The following CFAP299 variants were observed in gnomAD, a reference collection of about 807,000 sequenced individuals.
The protein encoded by CFAP299 is cilia- and flagella-associated protein 299.
In CFAP299, 21 loss-of-function variants were observed where a neutral mutation model predicts 27.0. The ratio of observed to expected loss-of-function variants is 0.78; its 90% CI spans 0.55 to 1.12. CFAP299 has a LOEUF of 1.12. CFAP299 is among the 50% of genes most tolerant of loss of function. The pLI is 0.00. For synonymous variants in CFAP299, 104 were observed against 98.1 expected (o/e 1.06, Z -0.36); for missense variants, 310 against 276.6 (o/e 1.12, Z -0.86).
At chr4:80,567,363 T>A (rs1047132905) in intron 2 of CFAP299, among the ~76,000 whole-genome samples, 1 of 152,086 alleles carries the variant, frequency 6.6e-6, no homozygotes, top group African/African-American at 2.4e-5. Context: ...TGTTCTCCTT[T>A]TCTGAAAGTT....
At position 80,789,852 on chromosome 4, in the gene CFAP299, A is replaced by C. The variant is rs190754553; in HGVS notation, c.334-80141A>C. ...TAAAGCTGTGCTCTTTCCTTAGGTT[A>C]GCAATCTAATTATTTTGCTGTCATA... On this transcript the variant is annotated intron_variant, in intron 3 of 5. Coordinates refer to ENST00000358105, the MANE Select transcript of CFAP299 (RefSeq NM_152770.3). Among the ~76,000 whole-genome samples the C allele has an allele frequency of 2.0e-5, 3 of 152,184 alleles. No homozygotes were observed. The East Asian group carries it at 5.8e-4, about 29-fold the overall frequency.
At chr4:80,804,225 A>T (rs72879972) in intron 3 of CFAP299, among the ~76,000 whole-genome samples, 4,172 of 152,214 alleles carry the variant, frequency 0.027, 131 homozygotes, top group African/African-American at 0.082. Context: ...CCATCCATCT[A>T]CGTAACTCAT....
chr4:80,541,784 T>C (rs1560615281), intron 2 of CFAP299, among the ~76,000 whole-genome samples: 1 of 152,102 alleles, frequency 6.6e-6, no homozygotes, highest in Non-Finnish European at 1.5e-5. Context: ...ATAAATGTTA[T>C]AAGTGCTATA....
intron 3 of CFAP299, among the ~76,000 whole-genome samples, chr4:80,682,235 G>A (rs13105856): frequency 0.93 from 141,965 of 152,266 alleles, 66,255 homozygotes; most frequent in East Asian, 1. Flanking sequence ...TAAAAGCCCA[G>A]TGTGTTCTAA....
chr4:80,854,692 G>A (rs1347065145), intron 3 of CFAP299, among the ~76,000 whole-genome samples: 5 of 149,840 alleles, frequency 3.3e-5, no homozygotes, highest in South Asian at 2.1e-4. Context: ...GTTCGTGAAA[G>A]TTTGATGAGA....
intron 4 of CFAP299, among the ~76,000 whole-genome samples, chr4:80,904,201 T>C (rs1208033989): frequency 6.6e-6 from 1 of 152,190 alleles, no homozygotes; most frequent in African/African-American, 2.4e-5. Context: ...AATCCTCACA[T>C]TAACCGTATT....
chr4:80,707,969 C>A (rs1031164712), intron 3 of CFAP299, among the ~76,000 whole-genome samples: 2 of 152,046 alleles, frequency 1.3e-5, no homozygotes, highest in Admixed American at 1.3e-4. Flanking sequence ...TCTGAAGGTG[C>A]AAGCAACACA....
chr4:80,722,259 A>C (rs560240947), intron 3 of CFAP299, among the ~76,000 whole-genome samples: 4 of 152,106 alleles, frequency 2.6e-5, no homozygotes, highest in African/African-American at 9.6e-5. Context: ...CTCTACTAAA[A>C]ATACAAAACT....
intron 3 of CFAP299, among the ~76,000 whole-genome samples, chr4:80,788,428 G>A (rs140521179): frequency 9.2e-5 from 14 of 151,994 alleles, no homozygotes; most frequent in Admixed American, 8.6e-4. Context: ...TTTCAGTTTT[G>A]TCATGTCCAT....
intron 2 of CFAP299, among the ~76,000 whole-genome samples, chr4:80,500,191 A>G (rs1308937554): frequency 6.6e-6 from 1 of 152,054 alleles, no homozygotes; most frequent in Admixed American, 6.6e-5. Context: ...CTGCTATTCT[A>G]CCTAGTCTCT....
At chr4:80,642,641 A>G (rs886920503) in intron 3 of CFAP299, among the ~76,000 whole-genome samples, 2 of 152,012 alleles carry the variant, frequency 1.3e-5, no homozygotes, top group African/African-American at 2.4e-5. Context: ...GCACGTGCCT[A>G]TAGTCCCAGC....
intron 2 of CFAP299, among the ~76,000 whole-genome samples, chr4:80,421,618 ATAACT>A (rs1727288829): frequency 6.6e-6 from 1 of 152,228 alleles, no homozygotes; most frequent in Non-Finnish European, 1.5e-5. Flanking sequence ...ACAAGATGAA[ATAACT>A]TAACGTACAC....
chr4:80,625,789 T>C (rs1376973336), intron 3 of CFAP299, among the ~76,000 whole-genome samples: 1 of 151,854 alleles, frequency 6.6e-6, no homozygotes, highest in African/African-American at 2.4e-5. Flanking sequence ...AAAGAAAAAG[T>C]AACATAATTG....
chr4:80,611,908 A>T (rs1738003631), intron 3 of CFAP299, among the ~76,000 whole-genome samples: 1 of 152,104 alleles, frequency 6.6e-6, no homozygotes, highest in Non-Finnish European at 1.5e-5. Context: ...GTACAAGTGT[A>T]TTTGGCTTGA....
At chr4:80,570,895 A>G (rs78719865) in intron 2 of CFAP299, among the ~76,000 whole-genome samples, 4,805 of 152,218 alleles carry the variant, frequency 0.032, 263 homozygotes, top group African/African-American at 0.11. Context: ...AGCTACATGC[A>G]CCAACATATG....
At chr4:80,899,338 G>T (rs986186632) in intron 4 of CFAP299, among the ~76,000 whole-genome samples, 1 of 152,172 alleles carries the variant, frequency 6.6e-6, no homozygotes. Flanking sequence ...TAAAGTTAGT[G>T]CTTAAATCCT....
chr4:80,795,567 G>C (rs1370682663), intron 3 of CFAP299, among the ~76,000 whole-genome samples: 5 of 152,214 alleles, frequency 3.3e-5, no homozygotes, highest in African/African-American at 1.2e-4. Flanking sequence ...GGCTGGGGGA[G>C]AGAAGGCAGA....
At chr4:80,706,455 G>T (rs1379894587) in intron 3 of CFAP299, among the ~76,000 whole-genome samples, 1 of 151,684 alleles carries the variant, frequency 6.6e-6, no homozygotes, top group East Asian at 1.9e-4. Context: ...ATTTAAATCA[G>T]ATTTAAAATT....
chr4:80,864,458 G>GTATACA (rs1446525196), intron 3 of CFAP299, among the ~76,000 whole-genome samples: 5 of 141,976 alleles, frequency 3.5e-5, no homozygotes, highest in African/African-American at 1.3e-4. Context: ...ACCTATATAA[G>GTATACA]TATATATATA....
Sources: gnomAD v4.1 joint callset for allele counts (sites outside exome capture counted in the v4.1 genomes callset) on GRCh38, gnomAD v4.1.1 for gene constraint, MANE v1.5 for transcripts, NCBI Gene and HGNC (gene_info 2026-07-23, HGNC 2026-07-21) for gene names.